GLIS3: variants seen among roughly 807,000 people sequenced by gnomAD.
GLIS3 encodes zinc finger protein GLIS3.
GLIS3 carries 53 observed loss-of-function variants against 78.6 expected under a neutral mutation model. The ratio of observed to expected loss-of-function variants is 0.67; its 90% CI spans 0.54 to 0.85. The LOEUF (loss-of-function observed/expected upper bound fraction) is 0.85. GLIS3 is among the 40% of genes least tolerant of loss of function. The pLI is 0.00. For synonymous variants in GLIS3, 684 were observed against 509.9 expected (o/e 1.34, Z -4.60); for missense variants, 1,703 against 1,231.1 (o/e 1.38, Z -5.74).
At chr9:4,132,255 T>G (rs1436137117) in intron 2 of GLIS3, among the ~76,000 whole-genome samples, 1 of 152,136 alleles carries the variant, frequency 6.6e-6, no homozygotes, top group Non-Finnish European at 1.5e-5. Context: ...GATGGCATTC[T>G]GAGTACCACA....
the GLIS3 span, among the ~76,000 whole-genome samples, chr9:4,385,034 T>A: frequency 2.3e-3 from 343 of 152,232 alleles, 2 homozygotes; most frequent in Non-Finnish European, 4.2e-3. Flanking sequence ...CTTTTAGAAG[T>A]TGCTTGTAAA....
At chr9:4,181,083 T>TA (rs1392557413) in intron 2 of GLIS3, among the ~76,000 whole-genome samples, 1 of 152,238 alleles carries the variant, frequency 6.6e-6, no homozygotes, top group Non-Finnish European at 1.5e-5. Flanking sequence ...ATTCGTACTC[T>TA]AAGATGAGCA....
intron 4 of GLIS3, among the ~76,000 whole-genome samples, chr9:4,113,941 G>A (rs1392568787): frequency 6.6e-6 from 1 of 152,156 alleles, no homozygotes; most frequent in Non-Finnish European, 1.5e-5. Context: ...ATCCATGGGT[G>A]GGTAAAAGTT....
At chr9:4,252,951 C>A (rs1379237060) in intron 2 of GLIS3, among the ~76,000 whole-genome samples, 1 of 152,220 alleles carries the variant, frequency 6.6e-6, no homozygotes, top group South Asian at 2.1e-4. Flanking sequence ...GGCTGCAGAA[C>A]AGCAAAAATT....
chr9:3,849,222 C>G (rs975103224), intron 9 of GLIS3, among the ~76,000 whole-genome samples: 16 of 152,178 alleles, frequency 1.1e-4, no homozygotes, highest in African/African-American at 3.6e-4. Flanking sequence ...ACCCCGACTT[C>G]CAAGGAAGGA....
chr9:4,379,829 G>A, the GLIS3 span, among the ~76,000 whole-genome samples: 8 of 152,284 alleles, frequency 5.3e-5, no homozygotes, highest in East Asian at 1.5e-3. Context: ...GGTGCAAAAA[G>A]GACCAATATT....
At chr9:4,163,949 C>G (rs1260375731) in intron 2 of GLIS3, among the ~76,000 whole-genome samples, 1 of 152,206 alleles carries the variant, frequency 6.6e-6, no homozygotes, top group Non-Finnish European at 1.5e-5. Context: ...TGGCTATAAG[C>G]CCTCATTCAT....
intron 4 of GLIS3, among the ~76,000 whole-genome samples, chr9:4,032,413 T>C (rs1044353472): frequency 4.6e-5 from 7 of 152,164 alleles, no homozygotes; most frequent in Non-Finnish European, 8.8e-5. Context: ...AAGCATATCA[T>C]CTCACTTTCT....
chr9:4,015,863 T>C (rs1588457896), intron 4 of GLIS3, among the ~76,000 whole-genome samples: 1 of 126,336 alleles, frequency 7.9e-6, no homozygotes, highest in African/African-American at 3.2e-5. Context: ...CACTTTAGCC[T>C]GAGTGACAGA....
intron 6 of GLIS3, among the ~76,000 whole-genome samples, chr9:3,913,558 C>G (rs1824291040): frequency 6.6e-6 from 1 of 152,164 alleles, no homozygotes; most frequent in Admixed American, 6.5e-5. Flanking sequence ...CCACAAACCT[C>G]CCTCATCTGG....
At chr9:4,345,105 A>ATAT (rs1817881512) in intron 2 of GLIS3, among the ~76,000 whole-genome samples, 1 of 152,178 alleles carries the variant, frequency 6.6e-6, no homozygotes, top group African/African-American at 2.4e-5. Context: ...AGTCTCCGCA[A>ATAT]GTTTCCCCCT....
At chr9:4,046,264 A>G (rs1825240560) in intron 4 of GLIS3, among the ~76,000 whole-genome samples, 1 of 152,216 alleles carries the variant, frequency 6.6e-6, no homozygotes, top group Admixed American at 6.5e-5. Flanking sequence ...GCCCAGTTGA[A>G]CATTTTCATC....
intron 2 of GLIS3, among the ~76,000 whole-genome samples, chr9:4,257,044 G>C (rs941537058): frequency 1.3e-5 from 2 of 151,974 alleles, no homozygotes; most frequent in Admixed American, 6.6e-5. Context: ...TGTACATATA[G>C]GTATTATGTA....
intron 2 of GLIS3, among the ~76,000 whole-genome samples, chr9:4,341,284 C>G (rs1817831045): frequency 6.6e-6 from 1 of 152,228 alleles, no homozygotes; most frequent in Non-Finnish European, 1.5e-5. Context: ...GCTCTCCTGG[C>G]TTGCACTCAC....
chr9:4,191,181 C>G (rs912930832), intron 2 of GLIS3, among the ~76,000 whole-genome samples: 1 of 150,062 alleles, frequency 6.7e-6, no homozygotes, highest in Non-Finnish European at 1.5e-5. Context: ...TCACACATAA[C>G]AATATTAACT....
the GLIS3 span, among the ~76,000 whole-genome samples, chr9:4,415,789 A>T: frequency 0.56 from 80,877 of 144,962 alleles, 23,839 homozygotes; most frequent in South Asian, 0.7. Context: ...TTTTTAAAAA[A>T]TTTTAACTTT....
chr9:4,490,226 T>C, the GLIS3 span, among the ~76,000 whole-genome samples: 1 of 152,234 alleles, frequency 6.6e-6, no homozygotes, highest in African/African-American at 2.4e-5. Context: ...GAGTGAGGCG[T>C]GGAAAGCGAG....
intron 4 of GLIS3, among the ~76,000 whole-genome samples, chr9:3,954,771 T>C (rs1411068725): frequency 3.3e-5 from 5 of 152,204 alleles, no homozygotes; most frequent in Non-Finnish European, 7.3e-5. Flanking sequence ...TAGAAATTCT[T>C]TCAGGATCTA....
At chr9:3,946,606 T>A (rs1816311452) in intron 4 of GLIS3, among the ~76,000 whole-genome samples, 1 of 152,152 alleles carries the variant, frequency 6.6e-6, no homozygotes, top group Non-Finnish European at 1.5e-5. Context: ...CAACATATGG[T>A]TGTATTTTTG....
Sources: gnomAD v4.1 joint callset for allele counts (sites outside exome capture counted in the v4.1 genomes callset) on GRCh38, gnomAD v4.1.1 for gene constraint, MANE v1.5 for transcripts, NCBI Gene and HGNC (gene_info 2026-07-23, HGNC 2026-07-21) for gene names.